Variants in EYA1 observed in about 807,000 individuals in gnomAD.
The protein encoded by EYA1 is EYA transcriptional coactivator and phosphatase 1.
In EYA1, 16 loss-of-function variants were observed where a neutral mutation model predicts 82.0. The ratio of observed to expected loss-of-function variants is 0.20; its 90% CI spans 0.13 to 0.30. The LOEUF (loss-of-function observed/expected upper bound fraction) is 0.30, where lower values mean the gene tolerates loss of function less well. Among genes scored for constraint, EYA1 ranks in the 10% least tolerant of loss-of-function variants. The probability of loss-of-function intolerance (pLI) is 1.00; values close to 1 mark genes in which losing one functional copy is unlikely to be tolerated. For synonymous variants in EYA1, 261 were observed against 264.4 expected, an observed-to-expected ratio of 0.99 and a Z score of 0.12; for missense variants, 633 against 730.7, an observed-to-expected ratio of 0.87 and a Z score of 1.54.
intron 2 of EYA1, among the ~76,000 whole-genome samples, chr8:71,429,128 A>G (rs2129158620): frequency 6.6e-6 from 1 of 152,336 alleles, no homozygotes; most frequent in South Asian, 2.1e-4. Flanking sequence ...TCATTAGAAT[A>G]TATAATTTAT....
At chr8:71,539,231 CA>C (rs5892286) in intron 1 of EYA1, among the ~76,000 whole-genome samples, 111,202 of 151,002 alleles carry the variant, frequency 0.74, 42,360 homozygotes, top group East Asian at 0.99. Flanking sequence ...AAGGGTCAAC[CA>C]AAAAAAAAAT....
At chr8:71,206,790 C>T (rs1807832369) in intron 17 of EYA1, among the ~76,000 whole-genome samples, 1 of 152,064 alleles carries the variant, frequency 6.6e-6, no homozygotes, top group African/African-American at 2.4e-5. Flanking sequence ...GGATCTCATT[C>T]TATCATCCCA....
chr8:71,367,140 C>T (rs1363950077), intron 2 of EYA1, among the ~76,000 whole-genome samples: 1 of 151,876 alleles, frequency 6.6e-6, no homozygotes, highest in Non-Finnish European at 1.5e-5. Context: ...TAATTATTTT[C>T]CTAGAGATTA....
In EYA1 at chr8:71,483,448, G is replaced by A. The variant is rs183386128; in HGVS notation, c.33+52296C>T. Among the ~76,000 whole-genome samples, 210 of 151,960 alleles carry A rather than the reference G, an allele frequency of 1.4e-3. 2 individuals carry two copies. Among genetic ancestry groups the A allele is most frequent in the Non-Finnish European group, 2.0e-3 (138 of 67,996 alleles). On this transcript the variant is annotated intron_variant, in intron 2 of 18. Coordinates refer to the EYA1 transcript ENST00000643681. ...CTGAAGAAATAAACTGAGCTTCAGT[G>A]TATTATCAAAAGAGAGAAAAACACA...
At chr8:71,443,964 C>T (rs930733852) in intron 2 of EYA1, among the ~76,000 whole-genome samples, 1 of 152,224 alleles carries the variant, frequency 6.6e-6, no homozygotes, top group African/African-American at 2.4e-5. Context: ...AAAGGCCAGA[C>T]ACATAATAAT....
chr8:71,364,497 C>T (rs536431860), upstream of EYA1, among the ~76,000 whole-genome samples: 7 of 152,056 alleles, frequency 4.6e-5, no homozygotes, highest in Non-Finnish European at 7.4e-5. Context: ...TAGTATGTAA[C>T]GTAACCATAT....
chr8:71,452,456 T>A (rs929550672), intron 2 of EYA1, among the ~76,000 whole-genome samples: 9 of 152,300 alleles, frequency 5.9e-5, no homozygotes, highest in Middle Eastern at 3.4e-3. Context: ...GATCTGAGAA[T>A]GGACAGACTG....
At chr8:71,314,247 C>A (rs1029206705) in intron 7 of EYA1, among the ~76,000 whole-genome samples, 1 of 152,140 alleles carries the variant, frequency 6.6e-6, no homozygotes, top group Non-Finnish European at 1.5e-5. Context: ...GGTCAACAGA[C>A]TCCCGCAACT....
intron 9 of EYA1, among the ~76,000 whole-genome samples, chr8:71,294,561 T>C (rs1819395039): frequency 6.6e-6 from 1 of 152,082 alleles, no homozygotes; most frequent in African/African-American, 2.4e-5. Context: ...ATATAAGCTT[T>C]ATGTGAGAAA....
At chr8:71,448,551 A>G (rs977900733) in intron 2 of EYA1, among the ~76,000 whole-genome samples, 2 of 152,160 alleles carry the variant, frequency 1.3e-5, no homozygotes, top group Non-Finnish European at 2.9e-5. Context: ...AACTCCTGTT[A>G]ATGTTTATAT....
intron 11 of EYA1, among the ~76,000 whole-genome samples, chr8:71,262,848 G>A (rs1586063576): frequency 6.6e-6 from 1 of 152,130 alleles, no homozygotes; most frequent in Non-Finnish European, 1.5e-5. Flanking sequence ...TGTTTTGAGA[G>A]TTTAGATTCT....
At chr8:71,348,933 T>G (rs774780737) in intron 3 of EYA1, among the ~76,000 whole-genome samples, 2 of 152,118 alleles carry the variant, frequency 1.3e-5, no homozygotes, top group Non-Finnish European at 2.9e-5. Flanking sequence ...TAGAAAACAT[T>G]TACTCTGAGC....
intron 12 of EYA1, among the ~76,000 whole-genome samples, chr8:71,235,756 C>T (rs143115836): frequency 7.9e-5 from 12 of 152,110 alleles, no homozygotes; most frequent in South Asian, 2.1e-4. Flanking sequence ...TATTGAATGA[C>T]GGAAAGAAAT....
At chr8:71,258,774 C>T (rs1188620870) in intron 11 of EYA1, among the ~76,000 whole-genome samples, 2 of 152,174 alleles carry the variant, frequency 1.3e-5, no homozygotes, top group South Asian at 2.1e-4. Context: ...GATATTTGAT[C>T]TTAACTATCT....
At chr8:71,503,350 G>C (rs1458799147) in intron 2 of EYA1, among the ~76,000 whole-genome samples, 1 of 152,036 alleles carries the variant, frequency 6.6e-6, no homozygotes, top group Non-Finnish European at 1.5e-5. Context: ...GCATGCACCT[G>C]TAGTCCCAGT....
chr8:71,408,127 T>C (rs1317845799), intron 2 of EYA1, among the ~76,000 whole-genome samples: 1 of 151,934 alleles, frequency 6.6e-6, no homozygotes, highest in Non-Finnish European at 1.5e-5. Context: ...AAACTAAGCT[T>C]CATAAGTGAA....
In EYA1 at chr8:71,476,914, A is replaced by C. The variant is rs572061469; in HGVS notation, c.33+58830T>G. Among the ~76,000 whole-genome samples, 3 of 152,274 alleles carry C rather than the reference A, an allele frequency of 2.0e-5. No homozygotes were observed. The South Asian group carries it at 6.2e-4, about 32-fold the overall frequency. On this transcript the variant is annotated intron_variant, in intron 2 of 18. Transcript: ENST00000643681. ...ATGTAATATAACTGAGGATCCAAAA[A>C]CACACCCACACATCTAGGTCGATTT...
At chr8:71,379,592 C>T (rs966230893) in intron 2 of EYA1, among the ~76,000 whole-genome samples, 2 of 152,056 alleles carry the variant, frequency 1.3e-5, no homozygotes, top group African/African-American at 4.8e-5. Flanking sequence ...ATAAAGTTAC[C>T]CTCATTTCAC....
At chr8:71,244,858 C>T (rs1812888964) in intron 11 of EYA1, among the ~76,000 whole-genome samples, 166 bp from the exon 12 acceptor site, 1 of 152,164 alleles carries the variant, frequency 6.6e-6, no homozygotes. Flanking sequence ...ATTCTGTGTG[C>T]AAACTTCAGG....
Sources: gnomAD v4.1 joint callset for allele counts (sites outside exome capture counted in the v4.1 genomes callset) on GRCh38, gnomAD v4.1.1 for gene constraint, MANE v1.5 for transcripts, NCBI Gene and HGNC (gene_info 2026-07-23, HGNC 2026-07-21) for gene names.